CYTH3: variants seen among roughly 807,000 people sequenced by gnomAD.
CYTH3 encodes cytohesin-3.
A neutral mutation model predicts 55.1 loss-of-function variants in CYTH3; 23 were observed. The observed-to-expected ratio is 0.42, with a 90% CI of 0.30 to 0.59. The LOEUF is 0.59. Among genes scored for constraint, CYTH3 ranks in the 20% least tolerant of loss-of-function variants. The probability of loss-of-function intolerance (pLI) is 0.20; values close to 1 mark genes in which losing one functional copy is unlikely to be tolerated. For synonymous variants in CYTH3, 249 were observed against 194.9 expected, an observed-to-expected ratio of 1.28 and a Z score of -2.31; for missense variants, 413 against 524.8, an observed-to-expected ratio of 0.79 and a Z score of 2.08.
intron 1 of CYTH3, among the ~76,000 whole-genome samples, chr7:6,193,380 A>AG (rs1339271603): frequency 6.6e-6 from 1 of 150,640 alleles, no homozygotes; most frequent in African/African-American, 2.4e-5. Flanking sequence ...CCCGTCTCAA[A>AG]AAAAAAAAAA....
Position 6,170,402 on chromosome 7 carries a change from G to A in CYTH3, c.823+133C>T. The A allele has an allele frequency of 2.4e-6, 2 of 829,932 alleles. No homozygotes were observed. Among genetic ancestry groups the A allele is most frequent in the South Asian group, 1.8e-5 (1 of 55,542 alleles). The allele number at this position is 829,932 out of a possible 1,614,324, so 51.4% of individuals were successfully genotyped here. ...ATGCAGCTACCGAGAGCGGGCTCTG[G>A]CTTAACCGCGTTTCTTTTTAACGTC... On this transcript the variant is annotated intron_variant, in intron 9 of 12. Coordinates refer to ENST00000350796, the MANE Select transcript of CYTH3 (RefSeq NM_004227.4). This position sits in a 1 kb window ranked among gnomAD's most constrained non-coding sequence, Gnocchi z 7.8.
At chr7:6,165,676 G>T in intron 10 of CYTH3, 58 bp downstream of exon 10, 1 of 1,613,214 alleles carries the variant, frequency 6.2e-7, no homozygotes, top group South Asian at 1.1e-5. Flanking sequence ...GGGTCCCTCG[G>T]CCCCAGGGCA....
At chr7:6,182,320 G>T (rs143826023) in intron 4 of CYTH3, among the ~76,000 whole-genome samples, 1 of 152,090 alleles carries the variant, frequency 6.6e-6, no homozygotes, top group Admixed American at 6.5e-5. Context: ...AAAGTGCTCG[G>T]ATTACAGGCG....
chr7:6,231,602 T>A (rs1234046984), intron 1 of CYTH3, among the ~76,000 whole-genome samples: 1 of 152,238 alleles, frequency 6.6e-6, no homozygotes, highest in Non-Finnish European at 1.5e-5. Flanking sequence ...TGTGCCCATG[T>A]ATAAATTAAC....
Position 6,187,676 on chromosome 7 carries a change from G to C in CYTH3, c.163C>G (p.Leu55Val). 1.2e-6 allele frequency: 2 copies of C among 1,614,066 alleles called. No individual in the cohort carries two copies. Among genetic ancestry groups the C allele is most frequent in the East Asian group, 4.5e-5 (2 of 44,892 alleles). Residue 55 changes from leucine to valine, a missense_variant, in exon 3 of 13, where the codon CTA (leucine) becomes GTA (valine). Coordinates refer to ENST00000350796, the MANE Select transcript of CYTH3 (RefSeq NM_004227.4). ...IAEVMTEIDNLTSVEESKTTQ... is the reference protein window; with the variant it reads ...IAEVMTEIDNVTSVEESKTTQ... ...TGTTACCTCTCCTCTACGGAAGTTA[G>C]ATTGTCGATCTCTGTCATCACCTCT...
chr7:6,247,840 C>A (rs552708846), intron 1 of CYTH3, among the ~76,000 whole-genome samples: 1 of 151,860 alleles, frequency 6.6e-6, no homozygotes, highest in East Asian at 1.9e-4. Flanking sequence ...TTTGTAGAGA[C>A]GGAGGGCTTA....
At chr7:6,265,335 G>A (rs552299984) in intron 1 of CYTH3, among the ~76,000 whole-genome samples, 2 of 152,162 alleles carry the variant, frequency 1.3e-5, no homozygotes, top group Admixed American at 6.5e-5. Flanking sequence ...AAGCTTGGCT[G>A]GGCGTGGTGG....
intron 5 of CYTH3, among the ~76,000 whole-genome samples, chr7:6,176,438 T>G (rs940582570): frequency 6.6e-6 from 1 of 151,182 alleles, no homozygotes; most frequent in African/African-American, 2.4e-5. Flanking sequence ...ATTTTTTGTG[T>G]TTTTAGTAGA....
chr7:6,187,747 T>C, intron 2 of CYTH3, 26 bp from the exon 3 acceptor site: 3 of 1,604,180 alleles, frequency 1.9e-6, no homozygotes, highest in Non-Finnish European at 2.6e-6. Context: ...AATTTCGAGG[T>C]GGGGAGTGGG....
rs147585682 is a variant in CYTH3 at position 6,200,460 on chromosome 7, T to G, written c.35-9929A>C. On this transcript the variant is annotated intron_variant, in intron 1 of 12. Transcript: ENST00000350796. ...GATAATACGTACCCTGAACAAAAAT[T>G]TGGTCATTTAACTCACAACTGTGTA... 2.1e-4 allele frequency among the ~76,000 whole-genome samples: 32 copies of G among 152,302 alleles called. No homozygotes were observed. In the East Asian group the frequency reaches 5.6e-3, roughly 27 times the overall value.
At chr7:6,176,937 T>G (rs1482017524) in intron 5 of CYTH3, among the ~76,000 whole-genome samples, 1 of 152,280 alleles carries the variant, frequency 6.6e-6, no homozygotes, top group Non-Finnish European at 1.5e-5. Context: ...AGTTTTGAGT[T>G]CTGTCAAATG....
chr7:6,208,766 A>T (rs966428483), intron 1 of CYTH3, among the ~76,000 whole-genome samples: 3 of 152,124 alleles, frequency 2.0e-5, no homozygotes, highest in African/African-American at 4.8e-5. Context: ...GTCTGAAGCG[A>T]TCCTCCCTCC....
At chr7:6,247,348 T>C (rs1375422922) in intron 1 of CYTH3, among the ~76,000 whole-genome samples, 2 of 152,216 alleles carry the variant, frequency 1.3e-5, no homozygotes, top group African/African-American at 4.8e-5. Context: ...CAGGGTACTC[T>C]CTTGCTCTTT....
At chr7:6,191,591 C>CTTTTTTT (rs1172231329) in intron 1 of CYTH3, among the ~76,000 whole-genome samples, 1 of 105,058 alleles carries the variant, frequency 9.5e-6, no homozygotes, top group Non-Finnish European at 1.9e-5. Context: ...TAGGGAAGGA[C>CTTTTTTT]TTTTTTTTTT....
chr7:6,181,192 TAA>T (rs999291720), intron 4 of CYTH3, among the ~76,000 whole-genome samples: 20 of 152,088 alleles, frequency 1.3e-4, no homozygotes, highest in African/African-American at 4.8e-4. Flanking sequence ...AATTTGGACT[TAA>T]AAAAAATCTT....
At chr7:6,256,923 C>T (rs1206717220) in intron 1 of CYTH3, among the ~76,000 whole-genome samples, 2 of 152,006 alleles carry the variant, frequency 1.3e-5, no homozygotes, top group Non-Finnish European at 2.9e-5. Context: ...AGTCTGACCA[C>T]AAAAAGGAAG....
chr7:6,249,798 CTG>C (rs1779913672), intron 1 of CYTH3, among the ~76,000 whole-genome samples: 1 of 152,142 alleles, frequency 6.6e-6, no homozygotes, highest in South Asian at 2.1e-4. Flanking sequence ...TAAGGAGACA[CTG>C]TGAAATGATG....
In CYTH3 at chr7:6,167,151, G is replaced by C. The variant is rs1411920129; in HGVS notation, c.824-1341C>G. Among the ~76,000 whole-genome samples the C allele has an allele frequency of 6.6e-6, 1 of 152,156 alleles. No homozygotes were observed. The highest frequency in any genetic ancestry group is 1.5e-5 in the Non-Finnish European group (1 of 68,018). ...AGCCAGGCCCACAGCAAGGCCCAAA[G>C]TCCTTGTTGCCCTCGTGTCCCTGTC... On this transcript the variant is annotated intron_variant, in intron 9 of 12. Transcript: ENST00000350796. This position sits in a 1 kb window ranked among gnomAD's most constrained non-coding sequence, Gnocchi z 5.5.
intron 1 of CYTH3, among the ~76,000 whole-genome samples, chr7:6,225,041 G>T (rs1779209117): frequency 6.6e-6 from 1 of 152,218 alleles, no homozygotes; most frequent in Non-Finnish European, 1.5e-5. Flanking sequence ...TGGCGCTGGG[G>T]TAAGGACTGA....
Sources: allele counts gnomAD v4.1 joint callset (sites outside exome capture counted in the v4.1 genomes callset), GRCh38; gene constraint gnomAD v4.1.1; non-coding constraint Gnocchi (gnomAD v3.1); transcripts MANE v1.5; gene names NCBI Gene and HGNC (gene_info 2026-07-23, HGNC 2026-07-21).